The following FMNL3 variants were observed in gnomAD, a reference collection of about 807,000 sequenced individuals.
FMNL3 encodes formin like 3.
Under a neutral mutation model 119.6 loss-of-function variants are expected in FMNL3, and 57 were observed. The ratio of observed to expected loss-of-function variants is 0.48; its 90% CI spans 0.39 to 0.59. FMNL3 has a LOEUF of 0.59. FMNL3 is among the 20% of genes least tolerant of loss of function. The pLI is 0.00. For synonymous variants in FMNL3, 491 were observed against 507.3 expected, an observed-to-expected ratio of 0.97 and a Z score of 0.43; for missense variants, 1,053 against 1,323.5, an observed-to-expected ratio of 0.80 and a Z score of 3.17.
intron 21 of FMNL3, 115 bp from the exon 22 acceptor site, chr12:49,648,468 A>G (rs1943285306): frequency 2.7e-6 from 3 of 1,116,624 alleles, no homozygotes; most frequent in Admixed American, 2.8e-5. Flanking sequence ...TCAGGTTCAC[A>G]TACCTGTATG....
intron 1 of FMNL3, among the ~76,000 whole-genome samples, chr12:49,674,872 C>A (rs935032087): frequency 6.6e-6 from 1 of 152,178 alleles, no homozygotes; most frequent in Non-Finnish European, 1.5e-5. Context: ...AATGGATTCA[C>A]CAGATGTCTC....
At position 49,636,505 on chromosome 12, in the gene FMNL3, C is replaced by T; in HGVS notation, c.*9310G>A. 1 of 553,748 alleles carries T rather than the reference C, an allele frequency of 1.8e-6. No individual in the cohort carries two copies. Among genetic ancestry groups the T allele is most frequent in the East Asian group, 2.8e-5 (1 of 35,216 alleles). 34.3% of individuals were successfully genotyped at this position (553,748 alleles called of 1,614,324 possible). ...TAACTGAATTCACAAGAGCTGAATA[C>T]TTGCTTATTTATTCTTATACAATTA... is the stretch of plus-strand genomic sequence containing the variant. On this transcript the variant is annotated 3_prime_UTR_variant, in exon 26 of 26. Coordinates refer to ENST00000335154, the MANE Select transcript of FMNL3 (RefSeq NM_175736.5).
rs760926312 is a variant in FMNL3, at chr12:49,646,901, C to T, written c.2980G>A (p.Glu994Lys). 4 of 1,613,832 alleles carry T rather than the reference C, an allele frequency of 2.5e-6. No homozygotes were observed. The highest frequency in any genetic ancestry group is 1.7e-5 in the Admixed American group (1 of 59,990). Reference sequence around the variant, plus strand: ...AGGGCCCCACCTGTGATGATGTCCTCGATGGTACCATCCTTCCCCTCATAA... The same window carrying T: ...AGGGCCCCACCTGTGATGATGTCCTTGATGGTACCATCCTTCCCCTCATAA... ...PVYEGKDGTIEDIITGLHCQP... is the reference protein window; with the variant it reads ...PVYEGKDGTIKDIITGLHCQP... The change falls in exon 25 of 26, where the codon GAG (glutamate) becomes AAG (lysine). Residue 994 changes from glutamate (E) to lysine (K), a missense_variant. By Grantham distance (56) the Glu-to-Lys change is moderately conservative. This residue lies in a region of FMNL3 where 324 missense variants were observed against 380.9 expected (regional missense o/e 0.85). Coordinates refer to ENST00000335154, the MANE Select transcript of FMNL3 (RefSeq NM_175736.5).
At chr12:49,659,824 C>T (rs1943681078) in intron 5 of FMNL3, 1 of 985,330 alleles carries the variant, frequency 1.0e-6, no homozygotes. Context: ...CTCTGAGAAA[C>T]AGTCCCTCTC....
At position 49,649,624 on chromosome 12, in the gene FMNL3, G is replaced by A; in HGVS notation, c.2235+67C>T. 6.2e-7 allele frequency: 1 copy of A among 1,610,774 alleles called. No homozygotes were observed. Among genetic ancestry groups the A allele is most frequent in the Non-Finnish European group, 8.5e-7 (1 of 1,177,006 alleles). On this transcript the variant is annotated intron_variant, in intron 18 of 25. Transcript: ENST00000335154. This position sits in a 1 kb window ranked among gnomAD's most constrained non-coding sequence, Gnocchi z 5.6. The stretch of plus-strand genomic sequence containing the variant: ...GGTCAGAAGGACTGGAAGGGCAGGG[G>A]AGGTGACTAGCAGATGGAGGGTGGA...
chr12:49,703,423 A>G (rs1944962010), intron 1 of FMNL3, among the ~76,000 whole-genome samples: 1 of 152,184 alleles, frequency 6.6e-6, no homozygotes, highest in African/African-American at 2.4e-5. Context: ...AAACTTCTCA[A>G]TACCCAACAG....
Position 49,647,791 on chromosome 12 carries a change from G to A in FMNL3, c.2690C>T (p.Ala897Val), listed in dbSNP as rs1171249258. 6.2e-7 allele frequency: 1 copy of A among 1,613,910 alleles called. No individual in the cohort carries two copies. The highest frequency in any genetic ancestry group is 2.2e-5 in the East Asian group (1 of 44,890). ...DAKTAEEAYNAVVRYFGESPK... is the reference protein window; with the variant it reads ...DAKTAEEAYNVVVRYFGESPK... ...ACTCTCGCCAAAGTAGCGCACAACT[G>A]CATTGTAGGCCTCCTGGGGAAGGGG... is the stretch of plus-strand genomic sequence containing the variant. Residue 897 changes from alanine to valine, a missense_variant, in exon 23 of 26, where the codon GCA (alanine) becomes GTA (valine). Coordinates refer to ENST00000335154, the MANE Select transcript of FMNL3 (RefSeq NM_175736.5). The surrounding 1 kb of genome is among the most constrained non-coding windows in gnomAD (Gnocchi z 4.9).
At chr12:49,682,244 G>GT (rs1205986939) in intron 1 of FMNL3, among the ~76,000 whole-genome samples, 3 of 152,052 alleles carry the variant, frequency 2.0e-5, no homozygotes. Context: ...CTAAGTTTTT[G>GT]TATTTTTAGT....
chr12:49,693,319 A>G (rs1233685088), intron 1 of FMNL3, among the ~76,000 whole-genome samples: 1 of 152,082 alleles, frequency 6.6e-6, no homozygotes, highest in Non-Finnish European at 1.5e-5. Flanking sequence ...GAGAAAAGGG[A>G]CAGGCAGATT....
intron 13 of FMNL3, 61 bp downstream of exon 13, chr12:49,653,165 G>C (rs1011634365): frequency 6.8e-5 from 101 of 1,491,668 alleles, no homozygotes; most frequent in Non-Finnish European, 7.8e-5. Context: ...AAAAAAAGCA[G>C]AACCCCAAGG....
intron 1 of FMNL3, among the ~76,000 whole-genome samples, chr12:49,697,024 T>C (rs2139033761): frequency 6.6e-6 from 1 of 152,260 alleles, no homozygotes; most frequent in Non-Finnish European, 1.5e-5. Flanking sequence ...CATACATAGA[T>C]GGGAGGGGGA....
Position 49,637,035 on chromosome 12 carries a change from T to C in FMNL3, c.*8780A>G. 1 of 878,772 alleles carries C rather than the reference T, an allele frequency of 1.1e-6. No individual in the cohort carries two copies. The highest frequency in any genetic ancestry group is 1.7e-6 in the Non-Finnish European group (1 of 585,054). The allele number at this position is 878,772 out of a possible 1,614,324, so 54.4% of individuals were successfully genotyped here. A position where few individuals can be genotyped will look rare whatever the true frequency, so the allele number is the denominator to read the frequency against. ...GTACCTCCTCAATTCTGGACTGTGCTCTTCTAGGGAGACTAGATGTATGCA... is the reference window on the plus strand; with the variant it reads ...GTACCTCCTCAATTCTGGACTGTGCCCTTCTAGGGAGACTAGATGTATGCA... On this transcript the variant is annotated 3_prime_UTR_variant, in exon 26 of 26. Coordinates refer to ENST00000335154, the MANE Select transcript of FMNL3 (RefSeq NM_175736.5).
chr12:49,689,156 G>C (rs1334519933), intron 1 of FMNL3, among the ~76,000 whole-genome samples: 1 of 152,096 alleles, frequency 6.6e-6, no homozygotes, highest in Non-Finnish European at 1.5e-5. Context: ...AGACAGATTT[G>C]GCAATGGAAA....
chr12:49,652,293 G>A, intron 13 of FMNL3, 81 bp from the exon 14 acceptor site: 6 of 1,505,114 alleles, frequency 4.0e-6, no homozygotes, highest in Non-Finnish European at 5.3e-6. Context: ...TCCTACCCAG[G>A]GTTCTCTTAA....
rs968958564 is a variant in FMNL3, at chr12:49,645,127, A to AAC, written c.*687_*688insGT. Reference sequence around the variant, plus strand: ...GCCAAAAAAAAAAAAAAAAAAAAAAAAACCGTAGCTGAGGAAAGAAGGTGA... The same window carrying AAC: ...GCCAAAAAAAAAAAAAAAAAAAAAAAACAACCGTAGCTGAGGAAAGAAGGTGA... On this transcript the variant is annotated 3_prime_UTR_variant, in exon 26 of 26. Coordinates refer to ENST00000335154, the MANE Select transcript of FMNL3 (RefSeq NM_175736.5). 6.6e-6 allele frequency: 1 copy of AAC among 151,838 alleles called. No homozygotes were observed. Among genetic ancestry groups the AAC allele is most frequent in the African/African-American group, 2.4e-5 (1 of 41,322 alleles). The allele number at this position is 151,838 out of a possible 1,614,324, so 9.4% of individuals were successfully genotyped here.
At chr12:49,691,343 G>A (rs1453432169) in intron 1 of FMNL3, among the ~76,000 whole-genome samples, 3 of 152,142 alleles carry the variant, frequency 2.0e-5, no homozygotes, top group Non-Finnish European at 2.9e-5. Context: ...TGATTGTCAC[G>A]GTGGTCACAG....
rs1943332901 is a variant in FMNL3 at position 49,649,666 on chromosome 12, G to T, written c.2235+25C>A. On this transcript the variant is annotated intron_variant, in intron 18 of 25. Transcript: ENST00000335154. The surrounding 1 kb of genome is among the most constrained non-coding windows in gnomAD (Gnocchi z 5.6). The stretch of plus-strand genomic sequence containing the variant: ...GAGGGTGGAGGGACAGCTGTCCAGA[G>T]CCATGAGTTGGGTGGGGGCTGTACC... 1 of 1,613,050 alleles carries T rather than the reference G, an allele frequency of 6.2e-7. No individual in the cohort carries two copies. Among genetic ancestry groups the T allele is most frequent in the Non-Finnish European group, 8.5e-7 (1 of 1,179,136 alleles).
chr12:49,664,174 G>A (rs1390632871), intron 4 of FMNL3, among the ~76,000 whole-genome samples: 1 of 152,254 alleles, frequency 6.6e-6, no homozygotes, highest in Non-Finnish European at 1.5e-5. Flanking sequence ...GAGCCTGGGA[G>A]GCAGAGGTTG....
Position 49,637,064 on chromosome 12 carries a change from C to T in FMNL3, c.*8751G>A. On this transcript the variant is annotated 3_prime_UTR_variant, in exon 26 of 26. Transcript: ENST00000335154. Reference sequence around the variant, plus strand: ...CTAGGGAGACTAGATGTATGCACCACCCAGAAACTGCCAGTAGAGAGCACC... The same window carrying T: ...CTAGGGAGACTAGATGTATGCACCATCCAGAAACTGCCAGTAGAGAGCACC... 1 of 713,738 alleles carries T rather than the reference C, an allele frequency of 1.4e-6. No individual in the cohort carries two copies. Among genetic ancestry groups the T allele is most frequent in the Non-Finnish European group, 2.3e-6 (1 of 442,428 alleles). The allele number at this position is 713,738 out of a possible 1,614,324, so 44.2% of individuals were successfully genotyped here.
Sources: gnomAD v4.1 joint callset for allele counts (sites outside exome capture counted in the v4.1 genomes callset) on GRCh38, gnomAD v4.1.1 for gene constraint, gnomAD v4.1.1 regional missense constraint, Gnocchi (gnomAD v3.1) non-coding constraint, MANE v1.5 for transcripts, NCBI Gene and HGNC (gene_info 2026-07-23, HGNC 2026-07-21) for gene names.